ISYNA1: variants seen among roughly 807,000 people sequenced by gnomAD.
ISYNA1 encodes the protein MI-1-P synthase.
In ISYNA1, 34 loss-of-function variants were observed where a neutral mutation model predicts 50.3. The observed-to-expected ratio is 0.68, with a 90% CI of 0.51 to 0.90. ISYNA1 has a LOEUF of 0.90. ISYNA1 is among the 40% of genes least tolerant of loss of function. The pLI is 0.00. For synonymous variants in ISYNA1, 396 were observed against 349.9 expected, an observed-to-expected ratio of 1.13 and a Z score of -1.47; for missense variants, 718 against 784.8, an observed-to-expected ratio of 0.91 and a Z score of 1.02.
At chr19:18,437,284 T>A (rs1974098827) in intron 3 of ISYNA1, 179 bp from the exon 4 acceptor site, 1 of 1,422,138 alleles carries the variant, frequency 7.0e-7, no homozygotes. Flanking sequence ...CTCCGGCACC[T>A]TAAGCTCCGC....
At chr19:18,437,300 T>A (rs971425669) in intron 3 of ISYNA1, 195 bp from the exon 4 acceptor site, 2 of 1,421,278 alleles carry the variant, frequency 1.4e-6, no homozygotes, top group Admixed American at 5.9e-5. Context: ...TCCGCCCCTG[T>A]AAGACTCCCG....
Position 18,434,762 on chromosome 19 carries a change from G to C in ISYNA1, c.*151C>G. 1 of 666,834 alleles carries C rather than the reference G, an allele frequency of 1.5e-6. No homozygotes were observed. The highest frequency in any genetic ancestry group is 1.8e-5 in the South Asian group (1 of 55,624). The allele number at this position is 666,834 out of a possible 1,614,324, so 41.3% of individuals were successfully genotyped here. ...TGAAGCTGGGCGCTCAAGAGTCGGG[G>C]AAGTAGAGGGAGGCAGAGTCAGGTC... On this transcript the variant is annotated 3_prime_UTR_variant, in exon 11 of 11. Coordinates refer to ENST00000338128, the MANE Select transcript of ISYNA1 (RefSeq NM_016368.5).
At position 18,435,930 on chromosome 19, in the gene ISYNA1, A is replaced by G. The variant is rs201581916; in HGVS notation, c.976-9T>C. 1.2e-5 allele frequency: 20 copies of G among 1,613,684 alleles called. No individual in the cohort carries two copies. The highest frequency in any genetic ancestry group is 1.6e-5 in the Non-Finnish European group (19 of 1,179,914). ...CTCACGATGGACATGGTCTGTGGGT[A>G]CAAGGGAAGCCCCAGCAGCTGCAGG... On this transcript the variant is annotated splice_polypyrimidine_tract_variant and intron_variant, in intron 7 of 10. Transcript: ENST00000338128.
intron 3 of ISYNA1, 45 bp downstream of exon 3, chr19:18,437,554 A>C: frequency 5.3e-6 from 4 of 759,230 alleles, no homozygotes; most frequent in Non-Finnish European, 6.6e-6. Flanking sequence ...GCCCGCAAGG[A>C]CTCCCACCAA....
chr19:18,436,263 G>A lies in ISYNA1; in HGVS notation c.760-16C>T. The stretch of plus-strand genomic sequence containing the variant: ...CCAGACCGAGCTGTGGGCAAGGCGG[G>A]CAGTCAGCACAGAGCTGTGTCTGTG... On this transcript the variant is annotated splice_polypyrimidine_tract_variant and intron_variant, in intron 6 of 10. Coordinates refer to ENST00000338128, the MANE Select transcript of ISYNA1 (RefSeq NM_016368.5). 3.1e-6 allele frequency: 5 copies of A among 1,607,608 alleles called. No homozygotes were observed. Among genetic ancestry groups the A allele is most frequent in the Non-Finnish European group, 4.2e-6 (5 of 1,179,720 alleles).
chr19:18,438,008 A>G lies in ISYNA1; in HGVS notation c.-9-20T>C. On this transcript the variant is annotated intron_variant, in intron 1 of 10. Coordinates refer to ENST00000338128, the MANE Select transcript of ISYNA1 (RefSeq NM_016368.5). ...GGCGGGCTGGGGGCCCGGGGTGAGCAGGGGGTCAGCGGGGACTCTAAGCGG... is the reference window on the plus strand; with the variant it reads ...GGCGGGCTGGGGGCCCGGGGTGAGCGGGGGGTCAGCGGGGACTCTAAGCGG... 3 of 1,532,590 alleles carry G rather than the reference A, an allele frequency of 2.0e-6. No individual in the cohort carries two copies. The highest frequency in any genetic ancestry group is 2.6e-6 in the Non-Finnish European group (3 of 1,140,426). 94.9% of individuals were successfully genotyped at this position (1,532,590 alleles called of 1,614,324 possible).
chr19:18,435,008 A>T lies in ISYNA1; in HGVS notation c.1582T>A (p.Leu528Met), dbSNP rs1323650792. 6.2e-7 allele frequency: 1 copy of T among 1,613,490 alleles called. No homozygotes were observed. Among genetic ancestry groups the T allele is most frequent in the East Asian group, 2.2e-5 (1 of 44,874 alleles). Residue 528 changes from leucine (L) to methionine (M), a missense_variant, in exon 11 of 11, where the codon TTG becomes ATG. Leu to Met is a conservative substitution (Grantham distance 15). Around this residue, in one of 3 missense-constraint regions of ISYNA1, gnomAD observed 305 missense variants for 292.6 expected, o/e 1.04. Coordinates refer to ENST00000338128, the MANE Select transcript of ISYNA1 (RefSeq NM_016368.5). ...GCGGGTACCGGTCCTTTCTTGTTCA[A>T]CATAGGGTAGGTGGCAGCCACGGGT... The part of the protein sequence containing the change: ...VGPVAATYPM[L>M]NKKGPVPAAT...
intron 3 of ISYNA1, 43 bp downstream of exon 3, chr19:18,437,556 T>G (rs1178689038): frequency 1.3e-6 from 1 of 796,802 alleles, no homozygotes. Context: ...CCGCAAGGAC[T>G]CCCACCAAGC....
chr19:18,434,678 C>G lies in ISYNA1; in HGVS notation c.*235G>C. ...TGAGAACTGGGGGCAGAGCGAGGCT[C>G]CAGGTTCTGGGCTCTCCCTGGGAGT... On this transcript the variant is annotated 3_prime_UTR_variant, in exon 11 of 11. Transcript: ENST00000338128. 1.0e-5 allele frequency: 6 copies of G among 584,936 alleles called. No individual in the cohort carries two copies. In the South Asian group the frequency reaches 1.0e-4, roughly 10 times the overall value. The allele number at this position is 584,936 out of a possible 1,614,324, so 36.2% of individuals were successfully genotyped here.
chr19:18,437,817 C>T, intron 2 of ISYNA1, 43 bp downstream of exon 2: 1 of 1,608,408 alleles, frequency 6.2e-7, no homozygotes, highest in Non-Finnish European at 8.5e-7. Context: ...CCGAGCCGCC[C>T]CGCTCTCCCC....
At chr19:18,435,186 T>G in intron 10 of ISYNA1, 69 bp from the exon 11 acceptor site, 1 of 1,596,768 alleles carries the variant, frequency 6.3e-7, no homozygotes, top group South Asian at 1.1e-5. Flanking sequence ...CCCTGCCACC[T>G]ACAGCCCCCC....
rs776690343 is a variant in ISYNA1, at chr19:18,434,920, G to T, written c.1670C>A (p.Thr557Asn). Reference protein sequence around the residue: ...GHLQEEPPMPTT With the variant: ...GHLQEEPPMPNT ...AACTGTGTGACCGGGGCCTCAGGTG[G>T]TGGGCATTGGGGGCTCCTCTTGCAG... Residue 557 changes from threonine (T) to asparagine (N), a missense_variant, in exon 11 of 11, where the codon ACC becomes AAC. Around this residue, in one of 3 missense-constraint regions of ISYNA1, gnomAD observed 305 missense variants for 292.6 expected, o/e 1.04. Transcript: ENST00000338128. 71 of 1,612,488 alleles carry T rather than the reference G, an allele frequency of 4.4e-5. No individual in the cohort carries two copies. Among genetic ancestry groups the T allele is most frequent in the Non-Finnish European group, 5.8e-5 (69 of 1,179,762 alleles).
chr19:18,437,928 G>T lies in ISYNA1; in HGVS notation c.52C>A (p.Pro18Thr), dbSNP rs1213403387. ...TCGTATTGCGCCTCGATGGCCTCGG[G>T]GCCGTAGACCACGTCCGGGCTCTCG... ...FVESPDVVYG[P>T]EAIEAQYEYR... Residue 18 changes from proline (P) to threonine (T), a missense_variant, in exon 2 of 11, where the codon CCC becomes ACC. Around this residue, in one of 3 missense-constraint regions of ISYNA1, gnomAD observed 403 missense variants for 466.6 expected, o/e 0.86. Coordinates refer to ENST00000338128, the MANE Select transcript of ISYNA1 (RefSeq NM_016368.5). 1 of 1,610,216 alleles carries T rather than the reference G, an allele frequency of 6.2e-7. No individual in the cohort carries two copies. The highest frequency in any genetic ancestry group is 8.5e-7 in the Non-Finnish European group (1 of 1,179,188).
At position 18,436,017 on chromosome 19, in the gene ISYNA1, C is replaced by T. The variant is rs753130605; in HGVS notation, c.975+15G>A. 1 of 1,613,366 alleles carries T rather than the reference C, an allele frequency of 6.2e-7. No homozygotes were observed. The highest frequency in any genetic ancestry group is 8.5e-7 in the Non-Finnish European group (1 of 1,179,902). Reference sequence around the variant, plus strand: ...GCCCCCTTCCTGCACTCGGCAGCTCCCTAGGCCCACGCACCTTGAGGCCGG... The same window carrying T: ...GCCCCCTTCCTGCACTCGGCAGCTCTCTAGGCCCACGCACCTTGAGGCCGG... On this transcript the variant is annotated intron_variant, in intron 7 of 10. Coordinates refer to ENST00000338128, the MANE Select transcript of ISYNA1 (RefSeq NM_016368.5).
At position 18,436,244 on chromosome 19, in the gene ISYNA1, C is replaced by A; in HGVS notation, c.763G>T (p.Gly255Cys). The A allele has an allele frequency of 6.2e-7, 1 of 1,608,412 alleles. No homozygotes were observed. The highest frequency in any genetic ancestry group is 8.5e-7 in the Non-Finnish European group (1 of 1,179,888). Residue 255 changes from glycine to cysteine, a missense_variant, in exon 7 of 11, where the codon GGT becomes TGT. Around this residue, in one of 3 missense-constraint regions of ISYNA1, gnomAD observed 403 missense variants for 466.6 expected, o/e 0.86. Coordinates refer to ENST00000338128, the MANE Select transcript of ISYNA1 (RefSeq NM_016368.5). ...AENLLRTIELGLEVSPSTLFA... is the reference protein window; with the variant it reads ...AENLLRTIELCLEVSPSTLFA... Reference sequence around the variant, plus strand: ...AGCGTGGAGGGCGACACCTCCAGACCGAGCTGTGGGCAAGGCGGGCAGTCA... The same window carrying A: ...AGCGTGGAGGGCGACACCTCCAGACAGAGCTGTGGGCAAGGCGGGCAGTCA...
intron 3 of ISYNA1, 78 bp from the exon 4 acceptor site, chr19:18,437,183 C>T: frequency 6.8e-7 from 1 of 1,475,594 alleles, no homozygotes; most frequent in Non-Finnish European, 9.0e-7. Flanking sequence ...CCCACCTAGA[C>T]TCTCAAGCCC....
chr19:18,437,158 C>A, intron 3 of ISYNA1, 53 bp from the exon 4 acceptor site: 1 of 1,521,384 alleles, frequency 6.6e-7, no homozygotes, highest in Admixed American at 2.0e-5. Flanking sequence ...GAAAGGGCCG[C>A]GACCCGGCCT....
intron 3 of ISYNA1, chr19:18,437,308 C>G (rs1351824454): frequency 1.4e-6 from 2 of 1,419,240 alleles, no homozygotes; most frequent in Non-Finnish European, 1.8e-6. Context: ...TGTAAGACTC[C>G]CGAGGAGTCC....
rs10442 is a variant in ISYNA1, at chr19:18,434,531, A to C, written c.*382T>G. 0.39 allele frequency: 214,047 copies of C among 552,112 alleles called. 46,426 individuals carry two copies. Among genetic ancestry groups the C allele is most frequent in the African/African-American group, 0.75 (39,181 of 52,008 alleles). The allele number at this position is 552,112 out of a possible 1,614,324, so 34.2% of individuals were successfully genotyped here. A position where few individuals can be genotyped will look rare whatever the true frequency, so the allele number is the denominator to read the frequency against. The stretch of plus-strand genomic sequence containing the variant: ...CAGGACGTCAGGGGGTGGGGCCCAT[A>C]AATAAATGGAAGCTGGTTTTGGTTT... On this transcript the variant is annotated 3_prime_UTR_variant, in exon 11 of 11. Coordinates refer to ENST00000338128, the MANE Select transcript of ISYNA1 (RefSeq NM_016368.5).
Sources: gnomAD v4.1 joint callset for allele counts on GRCh38, gnomAD v4.1.1 for gene constraint, gnomAD v4.1.1 regional missense constraint, MANE v1.5 for transcripts, NCBI Gene and HGNC (gene_info 2026-07-23, HGNC 2026-07-21) for gene names.